MROH2B: variants seen among roughly 807,000 people sequenced by gnomAD.
The protein encoded by MROH2B is maestro heat-like repeat-containing protein family member 2B.
A neutral mutation model predicts 208.6 loss-of-function variants in MROH2B; 177 were observed. The observed-to-expected ratio is 0.85, with a 90% CI of 0.75 to 0.96. MROH2B has a LOEUF of 0.96. Among genes scored for constraint, MROH2B ranks in the 40% least tolerant of loss-of-function variants. MROH2B has a pLI of 0.00. For synonymous variants in MROH2B, 728 were observed against 659.0 expected (o/e 1.10, Z -1.60); for missense variants, 2,002 against 1,878.7 (o/e 1.07, Z -1.21).
At chr5:41,022,490 C>G (rs1029002197) in intron 24 of MROH2B, among the ~76,000 whole-genome samples, 7 of 152,042 alleles carry the variant, frequency 4.6e-5, no homozygotes, top group Non-Finnish European at 1.0e-4. Context: ...AAGGTGGCAG[C>G]GAGGCTGGGG....
rs1743272246 is a variant in MROH2B, at chr5:41,051,128, C to T, written c.1231-38G>A. ...TCAAACAGGTGACTTGTTAATGACT[C>T]CTAAGGTTGGTCCCCTCTGACTTTC... On this transcript the variant is annotated intron_variant, in intron 12 of 41. Transcript: ENST00000399564. The T allele has an allele frequency of 3.6e-6, 5 of 1,383,584 alleles. No homozygotes were observed. The East Asian group carries it at 1.4e-4, about 38-fold the overall frequency. 85.7% of individuals were successfully genotyped at this position (1,383,584 alleles called of 1,614,324 possible).
intron 28 of MROH2B, among the ~76,000 whole-genome samples, chr5:41,016,560 C>T (rs1741960066): frequency 8.2e-6 from 1 of 122,204 alleles, no homozygotes; most frequent in African/African-American, 3.2e-5. Flanking sequence ...CTCACTGCAA[C>T]CTCTGCCTTC....
intron 1 of MROH2B, among the ~76,000 whole-genome samples, chr5:41,070,539 A>T (rs773839809): frequency 2.0e-5 from 3 of 152,174 alleles, no homozygotes; most frequent in Non-Finnish European, 4.4e-5. Flanking sequence ...CTCTTCTAGT[A>T]TTTAAAATTA....
intron 24 of MROH2B, among the ~76,000 whole-genome samples, chr5:41,022,812 T>C (rs1053759765): frequency 2.6e-5 from 4 of 152,160 alleles, no homozygotes; most frequent in African/African-American, 9.7e-5. Context: ...CAGACTGACA[T>C]CTCACACGAT....
intron 6 of MROH2B, among the ~76,000 whole-genome samples, chr5:41,058,912 GT>G (rs576286854): frequency 2.4e-4 from 37 of 151,756 alleles, no homozygotes; most frequent in African/African-American, 8.0e-4. Flanking sequence ...GCTGGGCATG[GT>G]GGTGGGCGCC....
At chr5:41,029,120 A>G (rs115282553) in intron 24 of MROH2B, among the ~76,000 whole-genome samples, 2,193 of 152,038 alleles carry the variant, frequency 0.014, 59 homozygotes, top group African/African-American at 0.05. Flanking sequence ...CTTTCTCTCT[A>G]TTCTTGCTAA....
At chr5:41,005,329 A>G (rs1579900964) in intron 35 of MROH2B, 2 of 554,664 alleles carry the variant, frequency 3.6e-6, no homozygotes, top group East Asian at 5.7e-5. Context: ...AGAGGGCAGG[A>G]GGTGGGTGAG....
chr5:41,048,103 C>T, intron 16 of MROH2B: 1 of 498,088 alleles, frequency 2.0e-6, no homozygotes, highest in Non-Finnish European at 3.4e-6. Context: ...AGTAAAAATT[C>T]CTGCTAAGAA....
chr5:41,046,931 C>T (rs1298695639), intron 17 of MROH2B, among the ~76,000 whole-genome samples: 1 of 152,084 alleles, frequency 6.6e-6, no homozygotes, highest in East Asian at 1.9e-4. Context: ...ACCTTTAAAA[C>T]ATGCCAGTTC....
chr5:41,017,829 G>A lies in MROH2B; in HGVS notation c.2884+21C>T, dbSNP rs1016140670. 3.2e-6 allele frequency: 5 copies of A among 1,567,216 alleles called. No individual in the cohort carries two copies. The African/African-American group carries it at 5.5e-5, about 17-fold the overall frequency. On this transcript the variant is annotated intron_variant, in intron 28 of 41. Coordinates refer to ENST00000399564, the MANE Select transcript of MROH2B (RefSeq NM_173489.5). ...GATGGGTTTCTTTTCTTCATTTGTGGGTTCCCCATCTTTCCCTCACCTTTT... is the reference window on the plus strand; with the variant it reads ...GATGGGTTTCTTTTCTTCATTTGTGAGTTCCCCATCTTTCCCTCACCTTTT...
chr5:41,048,962 T>G, intron 15 of MROH2B, 139 bp downstream of exon 15: 2 of 738,002 alleles, frequency 2.7e-6, no homozygotes, highest in Non-Finnish European at 4.4e-6. Flanking sequence ...GTCACTAGTA[T>G]AGCAGAAAAT....
Position 41,000,216 on chromosome 5 carries a change from T to G in MROH2B, c.4482+4A>C, listed in dbSNP as rs1342505015. On this transcript the variant is annotated splice_donor_region_variant and intron_variant, in intron 39 of 41. Coordinates refer to ENST00000399564, the MANE Select transcript of MROH2B (RefSeq NM_173489.5). ...TTTGGAGGCGGCATCTATTGGACAC[T>G]CACCAGTTTCACACAGAATTGCCTG... is the stretch of plus-strand genomic sequence containing the variant. 6.2e-7 allele frequency: 1 copy of G among 1,613,768 alleles called. No individual in the cohort carries two copies. The highest frequency in any genetic ancestry group is 8.5e-7 in the Non-Finnish European group (1 of 1,179,760).
chr5:41,058,048 G>C lies in MROH2B; in HGVS notation c.756+15C>G, dbSNP rs769589591. The C allele has an allele frequency of 4.8e-5, 74 of 1,536,936 alleles. No individual in the cohort carries two copies. The highest frequency in any genetic ancestry group is 6.0e-5 in the Admixed American group (3 of 49,856). ...CGGGTTCTCTGATTCAGTTCCTTTA[G>C]GGTATGGCTCTTACCTGAGTGACAT... On this transcript the variant is annotated intron_variant, in intron 7 of 41. Coordinates refer to ENST00000399564, the MANE Select transcript of MROH2B (RefSeq NM_173489.5).
Position 41,008,647 on chromosome 5 carries a change from C to G in MROH2B, c.3567G>C (p.Val1189=). The change falls in exon 33 of 42, where the codon GTG becomes GTC. Residue 1189 remains valine (V), a synonymous_variant. Transcript: ENST00000399564. Reference sequence around the variant, plus strand: ...TCTGCTGCTGTTCTCCCTGCTGCATCACATGCCGCCTATGGCTCCAGGGAC... The same window carrying G: ...TCTGCTGCTGTTCTCCCTGCTGCATGACATGCCGCCTATGGCTCCAGGGAC... ...LTCPWSHRRH[V]MQQGEQQQIP... 1 of 1,613,936 alleles carries G rather than the reference C, an allele frequency of 6.2e-7. No individual in the cohort carries two copies.
chr5:41,025,547 C>A (rs1187151195), intron 24 of MROH2B, among the ~76,000 whole-genome samples: 1 of 152,100 alleles, frequency 6.6e-6, no homozygotes, highest in African/African-American at 2.4e-5. Context: ...TAATTAATAG[C>A]TTACCAACCA....
chr5:41,005,373 G>C, intron 35 of MROH2B, 158 bp downstream of exon 35: 1 of 586,000 alleles, frequency 1.7e-6, no homozygotes. Context: ...CCCTGCTTAG[G>C]TACCATATAT....
intron 35 of MROH2B, 30 bp from the exon 36 acceptor site, chr5:41,004,950 A>T: frequency 2.5e-6 from 4 of 1,609,204 alleles, no homozygotes; most frequent in Non-Finnish European, 3.4e-6. Flanking sequence ...CCTCCCGTTT[A>T]GTTAAGGGCG....
chr5:41,039,400 TG>T, intron 20 of MROH2B, 47 bp downstream of exon 20: 1 of 1,099,890 alleles, frequency 9.1e-7, no homozygotes. Flanking sequence ...AAATCAGGGT[TG>T]TCTGGCCTTG....
At chr5:41,003,942 G>T (rs1178661616) in intron 37 of MROH2B, among the ~76,000 whole-genome samples, 1 of 152,164 alleles carries the variant, frequency 6.6e-6, no homozygotes, top group Admixed American at 6.6e-5. Flanking sequence ...TCAAAAGCTG[G>T]CAAACGTTTT....
Sources: gnomAD v4.1 joint callset for allele counts (sites outside exome capture counted in the v4.1 genomes callset) on GRCh38, gnomAD v4.1.1 for gene constraint, MANE v1.5 for transcripts, NCBI Gene and HGNC (gene_info 2026-07-23, HGNC 2026-07-21) for gene names.